Variants in OSBPL1A observed in about 807,000 individuals in gnomAD.
The protein encoded by OSBPL1A is oxysterol binding protein like 1A.
OSBPL1A carries 80 observed loss-of-function variants against 137.1 expected under a neutral mutation model. The ratio of observed to expected loss-of-function variants is 0.58; its 90% CI spans 0.49 to 0.70. OSBPL1A has a LOEUF of 0.70. Among genes scored for constraint, OSBPL1A ranks in the 30% least tolerant of loss-of-function variants. OSBPL1A has a pLI of 0.00. For synonymous variants in OSBPL1A, 365 were observed against 389.7 expected, an observed-to-expected ratio of 0.94 and a Z score of 0.75; for missense variants, 970 against 1,129.4, an observed-to-expected ratio of 0.86 and a Z score of 2.02.
At chr18:24,386,858 G>A (rs901626712) in intron 1 of OSBPL1A, among the ~76,000 whole-genome samples, 12 of 152,092 alleles carry the variant, frequency 7.9e-5, no homozygotes, top group African/African-American at 2.4e-4. Flanking sequence ...TCAGGAAGCC[G>A]AGGTGGAAAG....
chr18:24,193,786 AG>A (rs2086953875), intron 18 of OSBPL1A, among the ~76,000 whole-genome samples: 1 of 152,244 alleles, frequency 6.6e-6, no homozygotes, highest in Non-Finnish European at 1.5e-5. Context: ...AGTAAGTTCT[AG>A]AGATATGATT....
chr18:24,271,753 G>C lies in OSBPL1A; in HGVS notation c.1281+9089C>G. 1 of 985,442 alleles carries C rather than the reference G, an allele frequency of 1.0e-6. No homozygotes were observed. The highest frequency in any genetic ancestry group is 1.2e-6 in the Non-Finnish European group (1 of 830,040). The allele number at this position is 985,442 out of a possible 1,614,324, so 61.0% of individuals were successfully genotyped here. On this transcript the variant is annotated intron_variant, in intron 15 of 27. Transcript: ENST00000319481. This position sits in a 1 kb window ranked among gnomAD's most constrained non-coding sequence, Gnocchi z 4.0. ...CGAGGCGAGCCGATCCGGGAGGCGC[G>C]ACCCAGGGCGGCCCGCAAGGTCTCC...
intron 18 of OSBPL1A, among the ~76,000 whole-genome samples, chr18:24,192,569 G>A (rs777582222): frequency 6.6e-6 from 1 of 152,158 alleles, no homozygotes; most frequent in Non-Finnish European, 1.5e-5. Context: ...AAGAAAAGAA[G>A]GATGTCATCA....
intron 16 of OSBPL1A, among the ~76,000 whole-genome samples, chr18:24,231,389 T>G (rs1179104519): frequency 6.6e-6 from 1 of 152,136 alleles, no homozygotes; most frequent in Non-Finnish European, 1.5e-5. Flanking sequence ...GCCTCCTGGA[T>G]TCAAGCAACT....
chr18:24,206,799 G>A (rs895367935), intron 17 of OSBPL1A, among the ~76,000 whole-genome samples: 2 of 152,136 alleles, frequency 1.3e-5, no homozygotes, highest in African/African-American at 2.4e-5. Flanking sequence ...GGCTAGTTCC[G>A]TGCTCAGCTT....
chr18:24,384,699 G>A (rs949020380), intron 1 of OSBPL1A, among the ~76,000 whole-genome samples: 14 of 151,770 alleles, frequency 9.2e-5, no homozygotes, highest in Non-Finnish European at 1.5e-4. Context: ...GTGAAACCCC[G>A]TCTCTACTAA....
At chr18:24,328,799 T>C (rs1166298854) in intron 7 of OSBPL1A, among the ~76,000 whole-genome samples, 1 of 152,148 alleles carries the variant, frequency 6.6e-6, no homozygotes, top group Non-Finnish European at 1.5e-5. Context: ...CACACCAGAT[T>C]TCAAAGACTT....
At chr18:24,272,239 T>C (rs1372161293) in intron 15 of OSBPL1A, 1 of 983,086 alleles carries the variant, frequency 1.0e-6, no homozygotes, top group Non-Finnish European at 1.2e-6. Flanking sequence ...CTGGCAACTT[T>C]TTTTTTTTCT....
chr18:24,197,743 T>C (rs1023872995), intron 17 of OSBPL1A, among the ~76,000 whole-genome samples: 2 of 152,016 alleles, frequency 1.3e-5, no homozygotes, highest in Non-Finnish European at 2.9e-5. Flanking sequence ...GTTTTAGAGA[T>C]GTATGTAAAT....
At chr18:24,214,099 C>T (rs115566333) in intron 17 of OSBPL1A, among the ~76,000 whole-genome samples, 46 of 152,306 alleles carry the variant, frequency 3.0e-4, no homozygotes, top group African/African-American at 1.1e-3. Flanking sequence ...GAAGGCAGAC[C>T]TTAACCTAGG....
chr18:24,238,221 T>C (rs1411406664), intron 16 of OSBPL1A, among the ~76,000 whole-genome samples: 1 of 152,198 alleles, frequency 6.6e-6, no homozygotes, highest in Non-Finnish European at 1.5e-5. Context: ...TCACTTCCAA[T>C]ACACCAAGAT....
At chr18:24,175,121 T>TATATATATAC (rs2086406200) in intron 21 of OSBPL1A, among the ~76,000 whole-genome samples, 1 of 128,968 alleles carries the variant, frequency 7.8e-6, no homozygotes, top group African/African-American at 3.6e-5. Context: ...TATATATATA[T>TATATATATAC]ATATATATAT....
chr18:24,351,076 G>A (rs185932172), intron 4 of OSBPL1A, among the ~76,000 whole-genome samples: 2 of 152,132 alleles, frequency 1.3e-5, no homozygotes, highest in East Asian at 1.9e-4. Flanking sequence ...GGCTGGGCAC[G>A]GTGGCTCACA....
At chr18:24,260,376 C>T (rs923968416) in intron 15 of OSBPL1A, among the ~76,000 whole-genome samples, 6 of 152,182 alleles carry the variant, frequency 3.9e-5, no homozygotes, top group African/African-American at 1.4e-4. Flanking sequence ...CACAGCATTA[C>T]TATTTGCAAC....
chr18:24,273,230 G>A (rs1469770614), intron 15 of OSBPL1A, among the ~76,000 whole-genome samples: 1 of 152,182 alleles, frequency 6.6e-6, no homozygotes, highest in Admixed American at 6.5e-5. Flanking sequence ...TGAAAAGTCA[G>A]TTCATTTCTT....
intron 17 of OSBPL1A, among the ~76,000 whole-genome samples, chr18:24,197,288 A>C (rs1407157976): frequency 6.6e-6 from 1 of 152,236 alleles, no homozygotes; most frequent in Non-Finnish European, 1.5e-5. Flanking sequence ...CGGAGGTTGC[A>C]GTGAGCCGAG....
intron 4 of OSBPL1A, among the ~76,000 whole-genome samples, chr18:24,360,181 G>A (rs1599713389): frequency 1.3e-5 from 2 of 152,208 alleles, no homozygotes; most frequent in Non-Finnish European, 1.5e-5. Flanking sequence ...ATGTTGGCCA[G>A]GCTGGTCTTG....
chr18:24,317,816 CA>C (rs1283285708), intron 9 of OSBPL1A, among the ~76,000 whole-genome samples: 1 of 152,072 alleles, frequency 6.6e-6, no homozygotes, highest in Non-Finnish European at 1.5e-5. Context: ...CTTGCAAATG[CA>C]AAAGAAATTA....
intron 15 of OSBPL1A, among the ~76,000 whole-genome samples, chr18:24,251,851 A>C (rs2089108286): frequency 6.6e-6 from 1 of 152,204 alleles, no homozygotes; most frequent in Non-Finnish European, 1.5e-5. Context: ...TCAGAAGTCT[A>C]TCAGATAAAT....
Sources: gnomAD v4.1 joint callset for allele counts (sites outside exome capture counted in the v4.1 genomes callset) on GRCh38, gnomAD v4.1.1 for gene constraint, Gnocchi (gnomAD v3.1) non-coding constraint, MANE v1.5 for transcripts, NCBI Gene and HGNC (gene_info 2026-07-23, HGNC 2026-07-21) for gene names.